Variants in GOLGA8M observed in about 807,000 individuals in gnomAD.
GOLGA8M encodes the protein golgin A8 family member M, also known as golgin subfamily A member 8M.
In GOLGA8M, 34 loss-of-function variants were observed where a neutral mutation model predicts 87.7. The observed-to-expected ratio is 0.39, with a 90% CI of 0.29 to 0.52. The LOEUF is 0.52. Among genes scored for constraint, GOLGA8M ranks in the 20% least tolerant of loss-of-function variants. The pLI is 0.80. For missense variants in GOLGA8M, 396 were observed against 682.2 expected (o/e 0.58, Z 4.67); for synonymous variants, 138 against 250.2 (o/e 0.55, Z 4.23).
rs758487948 is a variant in GOLGA8M at position 28,702,548 on chromosome 15, A to C, written c.1484T>G (p.Leu495Arg). The part of the protein sequence containing the change: ...QERCHQKIHH[L>R]LSEPGGRAKD... Reference sequence around the variant, plus strand: ...GGCACGGCCCCCTGGTTCTGATAAAAGGTGATGGATTTTCCTGCGGGAGGA... The same window carrying C: ...GGCACGGCCCCCTGGTTCTGATAAACGGTGATGGATTTTCCTGCGGGAGGA... The change falls in exon 17 of 19, where the codon CTT becomes CGT. Residue 495 changes from leucine (L) to arginine (R), a missense_variant. Physicochemically the swap from Leu to Arg is moderately radical, Grantham distance 102. This residue lies in a region of GOLGA8M where 173 missense variants were observed against 150.2 expected (regional missense o/e 1.15). Transcript: ENST00000563027. 1 of 1,605,688 alleles carries C rather than the reference A, an allele frequency of 6.2e-7. No individual in the cohort carries two copies. The highest frequency in any genetic ancestry group is 2.2e-5 in the East Asian group (1 of 44,790).
upstream of GOLGA8M, chr15:28,712,459 C>T (rs993180383): frequency 1.9e-5 from 30 of 1,605,200 alleles, no homozygotes; most frequent in African/African-American, 6.8e-5. Context: ...CAGTAGAATG[C>T]GGAATAGGGG....
chr15:28,713,156 G>A (rs866514751), upstream of GOLGA8M, among the ~76,000 whole-genome samples: 66 of 151,464 alleles, frequency 4.4e-4, no homozygotes, highest in South Asian at 0.013. Flanking sequence ...TGGCTAACAC[G>A]GTGAAACCCC....
In GOLGA8M at chr15:28,702,304, T is replaced by C; in HGVS notation, c.1633A>G (p.Lys545Glu). 3.3e-6 allele frequency: 5 copies of C among 1,534,638 alleles called. No homozygotes were observed. Among genetic ancestry groups the C allele is most frequent in the Non-Finnish European group, 4.4e-6 (5 of 1,149,112 alleles). Reference sequence around the variant, plus strand: ...GAGTTGTGGGCAGCGGCCAGGAATTTTCTGTGCCCATTGTTGTAGTTGCTG... The same window carrying C: ...GAGTTGTGGGCAGCGGCCAGGAATTCTCTGTGCCCATTGTTGTAGTTGCTG... ...AYSNYNNGHR[K>E]FLAAAHNSAD... is the part of the protein sequence containing the mutation. Residue 545 changes from lysine (K) to glutamate (E), a missense_variant, in exon 18 of 19, where the codon AAA becomes GAA. This residue lies in a region of GOLGA8M where 173 missense variants were observed against 150.2 expected (regional missense o/e 1.15). Coordinates refer to ENST00000563027, the MANE Select transcript of GOLGA8M (RefSeq NM_001282468.3).
rs1402603558 is a variant in GOLGA8M at position 28,700,929 on chromosome 15, T to A, written c.*1025A>T. On this transcript the variant is annotated 3_prime_UTR_variant, in exon 19 of 19. Transcript: ENST00000563027. ...CCTGTTCCAGGGACGTTTGAACTCA[T>A]AAAGGATTTCTTATGATCTTCACTA... Among the ~76,000 whole-genome samples, 1 of 152,134 alleles carries A rather than the reference T, an allele frequency of 6.6e-6. No homozygotes were observed.
At chr15:28,704,139 T>C (rs1021056299) in intron 13 of GOLGA8M, among the ~76,000 whole-genome samples, 1 of 147,946 alleles carries the variant, frequency 6.8e-6, no homozygotes, top group Non-Finnish European at 1.5e-5. Context: ...CAACTGCTGA[T>C]AGGCGGCCAC....
chr15:28,702,804 C>G (rs1422042253), intron 15 of GOLGA8M, 59 bp from the exon 16 acceptor site: 1 of 1,582,998 alleles, frequency 6.3e-7, no homozygotes, highest in African/African-American at 1.4e-5. Context: ...GTGGCATTTT[C>G]AAGTCATGGA....
chr15:28,712,824 A>G (rs985643286), upstream of GOLGA8M, among the ~76,000 whole-genome samples: 11 of 152,258 alleles, frequency 7.2e-5, no homozygotes, highest in Non-Finnish European at 1.5e-4. Flanking sequence ...TTACAGTACA[A>G]AAATTACCAG....
At chr15:28,705,286 T>C in intron 12 of GOLGA8M, 59 bp from the exon 13 acceptor site, 2 of 1,519,392 alleles carry the variant, frequency 1.3e-6, no homozygotes, top group Non-Finnish European at 1.8e-6. Context: ...CAGAACTTGG[T>C]GTCTGCCTCC....
In GOLGA8M at chr15:28,701,099, A is replaced by C. The variant is rs1276666014; in HGVS notation, c.*855T>G. Among the ~76,000 whole-genome samples, 2 of 152,136 alleles carry C rather than the reference A, an allele frequency of 1.3e-5. No homozygotes were observed. Among genetic ancestry groups the C allele is most frequent in the Non-Finnish European group, 2.9e-5 (2 of 68,042 alleles). ...GCTAGGAAAGGTTTTCCACATCCAC[A>C]GTCAACGATGGGAACCTTTCATTCC... On this transcript the variant is annotated 3_prime_UTR_variant, in exon 19 of 19. Transcript: ENST00000563027.
chr15:28,703,172 C>T, intron 15 of GOLGA8M, 147 bp downstream of exon 15: 1 of 841,546 alleles, frequency 1.2e-6, no homozygotes, highest in South Asian at 1.6e-5. Flanking sequence ...ACATGTTGGC[C>T]ACAGGTGAAA....
At position 28,701,880 on chromosome 15, in the gene GOLGA8M, G is replaced by A; in HGVS notation, c.*74C>T. On this transcript the variant is annotated 3_prime_UTR_variant, in exon 19 of 19. Coordinates refer to ENST00000563027, the MANE Select transcript of GOLGA8M (RefSeq NM_001282468.3). ...AACATTCAAAGGAAGTAAATGAATT[G>A]TGTAGGAGATTAACCCCATAACTTG... 2 of 1,091,706 alleles carry A rather than the reference G, an allele frequency of 1.8e-6. No homozygotes were observed. The highest frequency in any genetic ancestry group is 1.6e-5 in the African/African-American group (1 of 63,500). The allele number at this position is 1,091,706 out of a possible 1,614,324, so 67.6% of individuals were successfully genotyped here. A position where few individuals can be genotyped will look rare whatever the true frequency, so the allele number is the denominator to read the frequency against.
At chr15:28,709,982 T>C (rs1460539648) in intron 2 of GOLGA8M, among the ~76,000 whole-genome samples, 1 of 143,268 alleles carries the variant, frequency 7.0e-6, no homozygotes, top group East Asian at 3.4e-4. Flanking sequence ...TCACCTCTAT[T>C]ATACAGATGT....
In GOLGA8M at chr15:28,701,958, C is replaced by T. The variant is rs1465111394; in HGVS notation, c.1895G>A (p.Arg632Lys). 3 of 1,599,376 alleles carry T rather than the reference C, an allele frequency of 1.9e-6. No individual in the cohort carries two copies. Among genetic ancestry groups the T allele is most frequent in the Non-Finnish European group, 8.5e-7 (1 of 1,179,748 alleles). The change falls in exon 19 of 19, where the codon AGA (arginine) becomes AAA (lysine). Residue 632 changes from arginine to lysine, a missense_variant. Physicochemically the swap from Arg to Lys is conservative, Grantham distance 26 (BLOSUM62 2). Coordinates refer to ENST00000563027, the MANE Select transcript of GOLGA8M (RefSeq NM_001282468.3). ...GCTCTTTGAGGATGGTGATGTTTAT[C>T]TCCTTCTTCTTGGCAGCCAAGCCCA... is the stretch of plus-strand genomic sequence containing the variant. ...FCWAWLPRRR[R>K]
In GOLGA8M at chr15:28,698,668, A is replaced by C. The variant is rs1242974182; in HGVS notation, c.*3286T>G. Among the ~76,000 whole-genome samples, 1 of 147,260 alleles carries C rather than the reference A, an allele frequency of 6.8e-6. No individual in the cohort carries two copies. Among genetic ancestry groups the C allele is most frequent in the African/African-American group, 2.6e-5 (1 of 38,078 alleles). On this transcript the variant is annotated 3_prime_UTR_variant, in exon 19 of 19. Transcript: ENST00000563027. ...TTACAACTTTGTAAAAATGAAACACATTATCTCATGCCAAGCATGCCCAGC... is the reference window on the plus strand; with the variant it reads ...TTACAACTTTGTAAAAATGAAACACCTTATCTCATGCCAAGCATGCCCAGC...
rs3894971 is a variant in GOLGA8M at position 28,708,739 on chromosome 15, T to C, written c.310-326A>G. On this transcript the variant is annotated intron_variant, in intron 4 of 18. Coordinates refer to ENST00000563027, the MANE Select transcript of GOLGA8M (RefSeq NM_001282468.3). ...GAAAAGTGGGTTCATTCAATAAACA[T>C]TTACTGAGCATGTATGGACCAGGTA... Among the ~76,000 whole-genome samples, 36 of 152,006 alleles carry C rather than the reference T, an allele frequency of 2.4e-4. 2 individuals carry two copies. Among genetic ancestry groups the C allele is most frequent in the Non-Finnish European group, 2.9e-5 (2 of 68,010 alleles).
At position 28,705,073 on chromosome 15, in the gene GOLGA8M, C is replaced by T. The variant is rs1399870325; in HGVS notation, c.1200+86G>A. The T allele has an allele frequency of 2.5e-6, 4 of 1,571,874 alleles. No individual in the cohort carries two copies. In the Admixed American group the frequency reaches 5.4e-5, roughly 21 times the overall value. On this transcript the variant is annotated intron_variant, in intron 13 of 18. Transcript: ENST00000563027. ...CACCAGCCCCCAGGCTGGAAGCTGC[C>T]TCTGGCCTGGTACCTCCCCTCCCCA...
rs1410671675 is a variant in GOLGA8M, at chr15:28,703,146, G to A, written c.1368+173C>T. Among the ~76,000 whole-genome samples the A allele has an allele frequency of 1.1e-4, 15 of 133,296 alleles. 3 individuals carry two copies. Among genetic ancestry groups the A allele is most frequent in the African/African-American group, 4.1e-4 (13 of 31,844 alleles). The allele number at this position is 133,296 out of a possible 152,430, so 87.4% of individuals were successfully genotyped here. ...AGGTGGAGCGCAGCCCCTTCCCTTG[G>A]GCCCCCAGAGACTGCACATGTTGGC... On this transcript the variant is annotated intron_variant, in intron 15 of 18. Transcript: ENST00000563027.
At position 28,702,028 on chromosome 15, in the gene GOLGA8M, C is replaced by A. The variant is rs1427396777; in HGVS notation, c.1825G>T (p.Glu609Ter). 2 of 1,597,300 alleles carry A rather than the reference C, an allele frequency of 1.3e-6. No individual in the cohort carries two copies. Among genetic ancestry groups the A allele is most frequent in the Non-Finnish European group, 1.7e-6 (2 of 1,179,656 alleles). Residue 609 changes from glutamate to a stop codon, truncating the protein, a stop_gained, in exon 19 of 19, where the codon GAG becomes TAG. Transcript: ENST00000563027. LOFTEE classifies it high-confidence loss of function. ...TAQPIVQDHQ[E>*]HPGLGSNCCV... ...CAGTTGCTGCCCAAGCCTGGGTGCTCCTGGTGGTCCTGCACGATCGGCTGT... is the reference window on the plus strand; with the variant it reads ...CAGTTGCTGCCCAAGCCTGGGTGCTACTGGTGGTCCTGCACGATCGGCTGT...
chr15:28,705,197 C>G lies in GOLGA8M; in HGVS notation c.1162G>C (p.Glu388Gln), dbSNP rs765986510. ...TCCTGTAGCTCCTTTACTTGCTGCT[C>G]CAACTGCAGTGTGCTCTTGTTCTCA... is the stretch of plus-strand genomic sequence containing the variant. Reference protein sequence around the residue: ...NNENKSTLQLEQQVKELQEKL... With the variant: ...NNENKSTLQLQQQVKELQEKL... The change falls in exon 13 of 19, where the codon GAG (glutamate) becomes CAG (glutamine). Residue 388 changes from glutamate to glutamine, a missense_variant. Transcript: ENST00000563027. The G allele has an allele frequency of 6.3e-7, 1 of 1,598,302 alleles. No homozygotes were observed. Among genetic ancestry groups the G allele is most frequent in the African/African-American group, 1.3e-5 (1 of 74,972 alleles).
Sources: allele counts gnomAD v4.1 joint callset (sites outside exome capture counted in the v4.1 genomes callset), GRCh38; gene constraint gnomAD v4.1.1; regional missense constraint gnomAD v4.1.1; transcripts MANE v1.5; gene names NCBI Gene and HGNC (gene_info 2026-07-23, HGNC 2026-07-21).